Variants in VPS37A observed in about 807,000 individuals in gnomAD.
VPS37A encodes vacuolar protein sorting-associated protein 37A.
Under a neutral mutation model 49.8 loss-of-function variants are expected in VPS37A, and 30 were observed. The ratio of observed to expected loss-of-function variants is 0.60; its 90% confidence interval spans 0.45 to 0.82. The LOEUF is 0.82. Among genes scored for constraint, VPS37A ranks in the 40% least tolerant of loss-of-function variants. VPS37A has a pLI of 0.00. For synonymous variants in VPS37A, 195 were observed against 160.6 expected, an observed-to-expected ratio of 1.21 and a Z score of -1.62; for missense variants, 593 against 464.4, an observed-to-expected ratio of 1.28 and a Z score of -2.55.
chr8:17,307,003 C>G (rs1817496618), downstream of VPS37A, among the ~76,000 whole-genome samples: 1 of 152,072 alleles, frequency 6.6e-6, no homozygotes, highest in African/African-American at 2.4e-5. Context: ...TCTAAAACAC[C>G]AAAAGCAATG....
At chr8:17,287,347 G>A (rs973893910) in intron 11 of VPS37A, among the ~76,000 whole-genome samples, 1 of 152,076 alleles carries the variant, frequency 6.6e-6, no homozygotes, top group Non-Finnish European at 1.5e-5. Flanking sequence ...TGCTTGTTTG[G>A]TTGTTTCTTA....
chr8:17,272,924 A>G (rs1264680240), intron 4 of VPS37A, among the ~76,000 whole-genome samples: 7 of 150,734 alleles, frequency 4.6e-5, no homozygotes, highest in Non-Finnish European at 8.9e-5. Context: ...GGGTTTGTGT[A>G]TATATAATTC....
At chr8:17,270,455 G>T (rs1042429255) in intron 4 of VPS37A, among the ~76,000 whole-genome samples, 48 of 152,108 alleles carry the variant, frequency 3.2e-4, no homozygotes, top group African/African-American at 1.1e-3. Context: ...TGTGACCTGC[G>T]CTTCCTCACT....
At chr8:17,252,503 T>C (rs541494383) in intron 1 of VPS37A, among the ~76,000 whole-genome samples, 1 of 152,322 alleles carries the variant, frequency 6.6e-6, no homozygotes, top group African/African-American at 2.4e-5. Flanking sequence ...TAATAGACTT[T>C]ATTTTTAGTG....
the VPS37A span, chr8:17,311,531 G>C: frequency 6.2e-7 from 1 of 1,614,132 alleles, no homozygotes; most frequent in Non-Finnish European, 8.5e-7. Context: ...TTCAGAGTCC[G>C]GTAGTGAGGG....
intron 1 of VPS37A, among the ~76,000 whole-genome samples, chr8:17,262,444 A>G (rs1410610680): frequency 1.3e-5 from 2 of 152,210 alleles, no homozygotes; most frequent in African/African-American, 4.8e-5. Context: ...TTTAGCCCCA[A>G]CAAATTCAGA....
the VPS37A span, among the ~76,000 whole-genome samples, chr8:17,315,325 G>A: frequency 6.6e-6 from 1 of 152,148 alleles, no homozygotes; most frequent in African/African-American, 2.4e-5. Flanking sequence ...ATCAGCGGCT[G>A]CCAGGGGTTA....
chr8:17,285,814 CAT>C (rs2150413810), intron 10 of VPS37A, among the ~76,000 whole-genome samples: 1 of 152,250 alleles, frequency 6.6e-6, no homozygotes, highest in South Asian at 2.1e-4. Flanking sequence ...TTTTTTTAAA[CAT>C]AGATATTTAA....
At chr8:17,306,866 G>A (rs904466827), downstream of VPS37A, among the ~76,000 whole-genome samples, 23 of 152,152 alleles carry the variant, frequency 1.5e-4, no homozygotes, top group African/African-American at 5.3e-4. Flanking sequence ...TCCCTTCTTT[G>A]CACCTTATAC....
the VPS37A span, chr8:17,331,050 C>T: frequency 7.2e-7 from 1 of 1,380,684 alleles, no homozygotes; most frequent in Non-Finnish European, 9.9e-7. Context: ...CAAATTATCA[C>T]ACCTATGTAA....
chr8:17,290,434 T>C lies in VPS37A; in HGVS notation c.*4007T>C, dbSNP rs116947884. On this transcript the variant is annotated intron_variant, in intron 11 of 11. Coordinates refer to ENST00000324849, the MANE Select transcript of VPS37A (RefSeq NM_152415.3). ...GAAGGCCTTTTCTGCATCTATGAGA[T>C]AATTGTGGTTTTTGTCATTGCCTCT... 1.1e-3 allele frequency among the ~76,000 whole-genome samples: 169 copies of C among 152,280 alleles called. 3 individuals carry two copies. The East Asian group carries it at 0.024, about 21-fold the overall frequency.
chr8:17,319,172 G>T, the VPS37A span, among the ~76,000 whole-genome samples: 1 of 152,234 alleles, frequency 6.6e-6, no homozygotes, highest in Non-Finnish European at 1.5e-5. Flanking sequence ...AGACACAGCT[G>T]CACTCAAACT....
At chr8:17,275,792 T>G (rs1814458837) in intron 5 of VPS37A, among the ~76,000 whole-genome samples, 1 of 152,184 alleles carries the variant, frequency 6.6e-6, no homozygotes, top group Non-Finnish European at 1.5e-5. Flanking sequence ...TATCCAACAT[T>G]ACTAATTTCA....
chr8:17,308,832 A>G, the VPS37A span, among the ~76,000 whole-genome samples: 1 of 152,186 alleles, frequency 6.6e-6, no homozygotes, highest in African/African-American at 2.4e-5. Context: ...TGAAGCCTTC[A>G]TCACCACTCC....
At chr8:17,316,180 A>G in the VPS37A span, among the ~76,000 whole-genome samples, 3 of 152,050 alleles carry the variant, frequency 2.0e-5, no homozygotes, top group Admixed American at 1.3e-4. Flanking sequence ...AGTTTCCTCA[A>G]CTGTAAAATG....
At position 17,284,576 on chromosome 8, in the gene VPS37A, A is replaced by C; in HGVS notation, c.1073A>C (p.Glu358Ala). The change falls in exon 10 of 12, where the codon GAA becomes GCA. Residue 358 changes from glutamate (E) to alanine (A), a missense_variant. By Grantham distance (107) the Glu-to-Ala change is moderately radical. Coordinates refer to ENST00000324849, the MANE Select transcript of VPS37A (RefSeq NM_152415.3). ...IAEDFLEGKM[E>A]IDDFLSSFME... ...GAAGACTTCTTGGAGGGAAAGATGG[A>C]AATAGATGATTTTCTCAGTAGCTTC... The C allele has an allele frequency of 6.2e-7, 1 of 1,600,826 alleles. No individual in the cohort carries two copies. The highest frequency in any genetic ancestry group is 8.5e-7 in the Non-Finnish European group (1 of 1,175,566).
chr8:17,279,690 C>T (rs1452726708), intron 6 of VPS37A: 3 of 408,232 alleles, frequency 7.3e-6, no homozygotes, highest in Non-Finnish European at 1.4e-5. Flanking sequence ...TGTTCTTTAC[C>T]TGAGTTAAGT....
At chr8:17,283,301 G>A (rs1409659239) in intron 9 of VPS37A, among the ~76,000 whole-genome samples, 1 of 151,960 alleles carries the variant, frequency 6.6e-6, no homozygotes, top group African/African-American at 2.4e-5. Flanking sequence ...GGCTACAGGT[G>A]CATGCCACCA....
At chr8:17,301,808 T>A, downstream of VPS37A, 1 of 314,648 alleles carries the variant, frequency 3.2e-6, no homozygotes, top group East Asian at 5.5e-5. Flanking sequence ...GAAAGAGTTT[T>A]ACAAGTACAT....
Sources: gnomAD v4.1 joint callset for allele counts (sites outside exome capture counted in the v4.1 genomes callset) on GRCh38, gnomAD v4.1.1 for gene constraint, MANE v1.5 for transcripts, NCBI Gene and HGNC (gene_info 2026-07-23, HGNC 2026-07-21) for gene names.